RAI14: variants seen among roughly 807,000 people sequenced by gnomAD.
RAI14 encodes the protein ankycorbin.
In RAI14, 45 loss-of-function variants were observed where a neutral mutation model predicts 115.4. The ratio of observed to expected loss-of-function variants is 0.39; its 90% CI spans 0.31 to 0.50. The LOEUF is 0.50. RAI14 is among the 20% of genes least tolerant of loss of function. RAI14 has a pLI of 0.85. For synonymous variants in RAI14, 371 were observed against 415.4 expected, an observed-to-expected ratio of 0.89 and a Z score of 1.30; for missense variants, 939 against 1,131.2, an observed-to-expected ratio of 0.83 and a Z score of 2.44.
At chr5:34,829,878 T>C in intron 17 of RAI14, 81 bp downstream of exon 17, 1 of 1,158,250 alleles carries the variant, frequency 8.6e-7, no homozygotes, top group Non-Finnish European at 1.3e-6. Flanking sequence ...ATCATTTAAC[T>C]AGGAGAATGA....
chr5:34,728,345 A>C (rs1475262965), intron 2 of RAI14, among the ~76,000 whole-genome samples: 2 of 152,086 alleles, frequency 1.3e-5, no homozygotes, highest in African/African-American at 4.8e-5. Context: ...ATTGGTTTTG[A>C]AATGTGAGAA....
chr5:34,673,251 A>T (rs749409981), intron 1 of RAI14, among the ~76,000 whole-genome samples: 6 of 152,208 alleles, frequency 3.9e-5, no homozygotes, highest in Non-Finnish European at 8.8e-5. Context: ...GGTCTCCTTC[A>T]GTGACTGCAC....
chr5:34,812,051 C>A, intron 9 of RAI14, 106 bp downstream of exon 9: 4 of 1,296,664 alleles, frequency 3.1e-6, no homozygotes, highest in Non-Finnish European at 3.2e-6. Flanking sequence ...TTCTTTTAAA[C>A]ATATTCTTGA....
chr5:34,698,772 T>C (rs35282945), intron 2 of RAI14, among the ~76,000 whole-genome samples: 31,827 of 152,038 alleles, frequency 0.21, 3,566 homozygotes, highest in Middle Eastern at 0.28. Context: ...AATAGAAGAA[T>C]GAGGTTTCAA....
chr5:34,661,547 T>C (rs1229326774), intron 1 of RAI14, among the ~76,000 whole-genome samples: 3 of 152,228 alleles, frequency 2.0e-5, no homozygotes, highest in South Asian at 2.1e-4. Flanking sequence ...AGAAAACTTA[T>C]GTCTTCTAGG....
At position 34,823,016 on chromosome 5, in the gene RAI14, A is replaced by G. The variant is rs1033554041; in HGVS notation, c.1174A>G (p.Thr392Ala). The change falls in exon 15 of 18, where the codon ACT becomes GCT. Residue 392 changes from threonine to alanine, a missense_variant. Transcript: ENST00000265109. The surrounding 1 kb of genome is among the most constrained non-coding windows in gnomAD (Gnocchi z 4.5). Reference sequence around the variant, plus strand: ...CTTTGACTCATACCATTCCACCCAAACTGACTTGGGCCCATCCCTGGGAAA... The same window carrying G: ...CTTTGACTCATACCATTCCACCCAAGCTGACTTGGGCCCATCCCTGGGAAA... The part of the protein sequence containing the change: ...LSFDSYHSTQ[T>A]DLGPSLGKPG... 6.2e-7 allele frequency: 1 copy of G among 1,613,508 alleles called. No individual in the cohort carries two copies. Among genetic ancestry groups the G allele is most frequent in the Non-Finnish European group, 8.5e-7 (1 of 1,179,852 alleles).
At chr5:34,807,721 C>T in intron 5 of RAI14, 79 bp from the exon 6 acceptor site, 1 of 1,109,758 alleles carries the variant, frequency 9.0e-7, no homozygotes, top group Non-Finnish European at 1.4e-6. Context: ...TCACATCATA[C>T]CTTGCAGGAA....
At chr5:34,730,358 A>G (rs754711225) in intron 2 of RAI14, among the ~76,000 whole-genome samples, 5 of 152,172 alleles carry the variant, frequency 3.3e-5, no homozygotes, top group Non-Finnish European at 7.3e-5. Context: ...AACTTTATGG[A>G]ATTTTATGTA....
intron 3 of RAI14, among the ~76,000 whole-genome samples, chr5:34,777,963 C>G (rs1349097795): frequency 6.6e-6 from 1 of 152,050 alleles, no homozygotes; most frequent in East Asian, 1.9e-4. Flanking sequence ...CTATAGTTAG[C>G]AACAATGTCT....
At chr5:34,800,733 C>T (rs1754158106) in intron 4 of RAI14, among the ~76,000 whole-genome samples, 1 of 152,182 alleles carries the variant, frequency 6.6e-6, no homozygotes, top group Admixed American at 6.5e-5. Context: ...AGAACACTTA[C>T]TCAAAGTAAA....
At chr5:34,684,237 G>A (rs376392555) in intron 1 of RAI14, among the ~76,000 whole-genome samples, 10 of 152,304 alleles carry the variant, frequency 6.6e-5, no homozygotes, top group African/African-American at 2.4e-4. Flanking sequence ...GCCTACATCA[G>A]TTCTAGGTTC....
chr5:34,698,747 G>C (rs1739655307), intron 2 of RAI14, among the ~76,000 whole-genome samples: 1 of 152,170 alleles, frequency 6.6e-6, no homozygotes, highest in African/African-American at 2.4e-5. Flanking sequence ...AGCCTGGAAT[G>C]GGTGGGGTGG....
chr5:34,729,226 G>A (rs910482781), intron 2 of RAI14, among the ~76,000 whole-genome samples: 2 of 151,990 alleles, frequency 1.3e-5, no homozygotes, highest in Non-Finnish European at 2.9e-5. Flanking sequence ...GCACACACCT[G>A]TAGTCCCAGC....
intron 2 of RAI14, among the ~76,000 whole-genome samples, chr5:34,693,841 C>T (rs1401097917): frequency 6.6e-6 from 1 of 152,192 alleles, no homozygotes; most frequent in East Asian, 1.9e-4. Flanking sequence ...GATTTTACAT[C>T]ACCACAAGTC....
chr5:34,669,454 T>C (rs1323013752), intron 1 of RAI14, among the ~76,000 whole-genome samples: 2 of 152,224 alleles, frequency 1.3e-5, no homozygotes, highest in East Asian at 1.9e-4. Context: ...ATTCTATGCC[T>C]CTTTGACCAA....
chr5:34,806,008 C>A (rs1754848175), intron 5 of RAI14, among the ~76,000 whole-genome samples: 1 of 152,122 alleles, frequency 6.6e-6, no homozygotes, highest in Non-Finnish European at 1.5e-5. Context: ...GTCTGGTAAA[C>A]AATCCACAAA....
At chr5:34,688,004 C>A (rs1370180500) in intron 2 of RAI14, 2 of 1,286,986 alleles carry the variant, frequency 1.6e-6, no homozygotes, top group Admixed American at 3.0e-5. Context: ...AAAATACCGA[C>A]CCACTTAAAG....
intron 2 of RAI14, among the ~76,000 whole-genome samples, chr5:34,704,414 T>C (rs1383559815): frequency 6.6e-6 from 1 of 152,234 alleles, no homozygotes; most frequent in Non-Finnish European, 1.5e-5. Flanking sequence ...AGCTGGACAG[T>C]GTTTTCTGCA....
At chr5:34,762,929 ATGTGTGTGTGTGTGTG>A (rs34495404) in intron 3 of RAI14, among the ~76,000 whole-genome samples, 89 of 129,154 alleles carry the variant, frequency 6.9e-4, no homozygotes, top group African/African-American at 2.2e-3. Flanking sequence ...GAGTGTGTGC[ATGTGTGTGTGTGTGTG>A]TGTGTGTGTG....
Sources: allele counts gnomAD v4.1 joint callset (sites outside exome capture counted in the v4.1 genomes callset), GRCh38; gene constraint gnomAD v4.1.1; non-coding constraint Gnocchi (gnomAD v3.1); transcripts MANE v1.5; gene names NCBI Gene and HGNC (gene_info 2026-07-23, HGNC 2026-07-21).